Variants in UBXN2A observed in about 807,000 individuals in gnomAD.
The protein encoded by UBXN2A is UBX domain-containing protein 2A.
In UBXN2A, 28 loss-of-function variants were observed where a neutral mutation model predicts 28.4. The ratio of observed to expected loss-of-function variants is 0.99; its 90% confidence interval spans 0.73 to 1.35. The LOEUF is 1.35. Among genes scored for constraint, UBXN2A ranks in the 40% most tolerant of loss-of-function variants. The pLI, the probability that UBXN2A is intolerant of heterozygous loss-of-function variation, is 0.00. For synonymous variants in UBXN2A, 97 were observed against 103.6 expected, an observed-to-expected ratio of 0.94 and a Z score of 0.39; for missense variants, 253 against 297.9, an observed-to-expected ratio of 0.85 and a Z score of 1.11.
At chr2:23,991,768 G>A (rs943610651) in intron 6 of UBXN2A, among the ~76,000 whole-genome samples, 9 of 150,156 alleles carry the variant, frequency 6.0e-5, no homozygotes, top group East Asian at 2.0e-4. Flanking sequence ...CACAGTGCCC[G>A]GCCTTTTTTG....
chr2:23,987,777 CA>C (rs56133612), intron 6 of UBXN2A, among the ~76,000 whole-genome samples: 14,613 of 130,852 alleles, frequency 0.11, 769 homozygotes, highest in Middle Eastern at 0.19. Flanking sequence ...GACTCCATCT[CA>C]AAAAAAAAAA....
At chr2:23,941,713 A>T (rs1219096779) in intron 1 of UBXN2A, among the ~76,000 whole-genome samples, 1 of 152,230 alleles carries the variant, frequency 6.6e-6, no homozygotes, top group Non-Finnish European at 1.5e-5. Flanking sequence ...TGCTAAGGAT[A>T]CAATAGTGAC....
chr2:23,996,065 A>ATTTTTT (rs1019784685), intron 6 of UBXN2A, among the ~76,000 whole-genome samples: 2 of 114,264 alleles, frequency 1.8e-5, no homozygotes, highest in African/African-American at 6.7e-5. Flanking sequence ...CGCCTGGCTA[A>ATTTTTT]TTTTTTTTTT....
rs927179914 is a variant in UBXN2A, at chr2:24,002,919, T to G, written c.*3052T>G. On this transcript the variant is annotated 3_prime_UTR_variant, in exon 7 of 7. Transcript: ENST00000309033. Reference sequence around the variant, plus strand: ...AGCAAATAATGCCTTAGTATGATTATGAAAAACGTTTTGACTTCACAGTGC... The same window carrying G: ...AGCAAATAATGCCTTAGTATGATTAGGAAAAACGTTTTGACTTCACAGTGC... 2 of 152,220 alleles carry G rather than the reference T, an allele frequency of 1.3e-5. No homozygotes were observed. The highest frequency in any genetic ancestry group is 4.8e-5 in the African/African-American group (2 of 41,466). 9.4% of individuals were successfully genotyped at this position (152,220 alleles called of 1,614,324 possible).
At chr2:23,977,911 A>G (rs2150883374) in intron 4 of UBXN2A, among the ~76,000 whole-genome samples, 1 of 152,222 alleles carries the variant, frequency 6.6e-6, no homozygotes, top group South Asian at 2.1e-4. Context: ...AGCTCACTGC[A>G]GCCTCCGCCT....
chr2:23,982,614 CCT>C (rs1707958669), intron 4 of UBXN2A, among the ~76,000 whole-genome samples: 1 of 151,894 alleles, frequency 6.6e-6, no homozygotes, highest in Non-Finnish European at 1.5e-5. Flanking sequence ...TGGACAAGAC[CCT>C]GTCTCTACAG....
chr2:23,937,390 T>A (rs548769684), upstream of UBXN2A, among the ~76,000 whole-genome samples: 66 of 151,642 alleles, frequency 4.4e-4, no homozygotes, highest in South Asian at 1.0e-3. Flanking sequence ...ACAAAAAAAA[T>A]TTTTTTTTAA....
chr2:23,971,133 C>T (rs2150867299), intron 2 of UBXN2A, 143 bp from the exon 3 acceptor site: 1 of 902,934 alleles, frequency 1.1e-6, no homozygotes, highest in Non-Finnish European at 1.5e-6. Context: ...AATGACTTCC[C>T]CAAGGTTATA....
chr2:23,938,544 C>T (rs79110567), upstream of UBXN2A, among the ~76,000 whole-genome samples: 1 of 117,166 alleles, frequency 8.5e-6, no homozygotes, highest in African/African-American at 3.1e-5. Context: ...ATCCCAGTGG[C>T]CCCCCCCTCC....
intron 1 of UBXN2A, chr2:23,944,445 C>T: frequency 2.3e-6 from 2 of 851,228 alleles, no homozygotes; most frequent in Non-Finnish European, 3.9e-6. Context: ...GAAAAGTTCT[C>T]CTTATTTGTT....
chr2:23,992,481 A>G (rs1387837925), intron 6 of UBXN2A, among the ~76,000 whole-genome samples: 1 of 152,198 alleles, frequency 6.6e-6, no homozygotes, highest in Non-Finnish European at 1.5e-5. Flanking sequence ...CTTCAAGGAT[A>G]AGGTTGTTCC....
chr2:23,978,857 G>A (rs1707783019), intron 4 of UBXN2A, among the ~76,000 whole-genome samples: 2 of 151,752 alleles, frequency 1.3e-5, no homozygotes, highest in Admixed American at 1.3e-4. Flanking sequence ...CAGCTACTTG[G>A]GAGGCTGAGG....
chr2:23,947,916 G>A (rs563204579), intron 1 of UBXN2A, among the ~76,000 whole-genome samples: 350 of 152,052 alleles, frequency 2.3e-3, no homozygotes, highest in African/African-American at 8.1e-3. Flanking sequence ...GTGCAATGGC[G>A]GGGGCTCAGC....
At chr2:23,997,707 A>G (rs1050679944) in intron 6 of UBXN2A, among the ~76,000 whole-genome samples, 8 of 151,988 alleles carry the variant, frequency 5.3e-5, no homozygotes, top group East Asian at 1.9e-4. Flanking sequence ...CGGCCTCCCA[A>G]AGTGCTGGGA....
At chr2:23,935,626 A>G (rs896409084), upstream of UBXN2A, among the ~76,000 whole-genome samples, 8 of 152,256 alleles carry the variant, frequency 5.3e-5, no homozygotes, top group Non-Finnish European at 1.0e-4. Context: ...GGGAAGATGT[A>G]GAGAAATTAG....
intron 5 of UBXN2A, among the ~76,000 whole-genome samples, chr2:23,983,477 A>G (rs1485704510): frequency 2.0e-5 from 3 of 152,120 alleles, no homozygotes; most frequent in African/African-American, 2.4e-5. Context: ...ATTGCTCTCC[A>G]GTCTGGGCAA....
intron 6 of UBXN2A, among the ~76,000 whole-genome samples, chr2:23,988,502 A>G (rs576481728): frequency 6.6e-6 from 1 of 152,272 alleles, no homozygotes; most frequent in African/African-American, 2.4e-5. Context: ...CCTCATGATT[A>G]TATTTAGGTC....
At chr2:23,961,980 G>C (rs1706946285) in intron 2 of UBXN2A, among the ~76,000 whole-genome samples, 1 of 151,892 alleles carries the variant, frequency 6.6e-6, no homozygotes, top group Non-Finnish European at 1.5e-5. Context: ...GAGTAGTTGG[G>C]AGTACAGGTG....
chr2:23,993,795 C>T (rs759616403), intron 6 of UBXN2A, among the ~76,000 whole-genome samples: 2 of 151,518 alleles, frequency 1.3e-5, no homozygotes, highest in Non-Finnish European at 2.9e-5. Context: ...TCAAGCAATT[C>T]TCCTGTCTCA....
Sources: allele counts gnomAD v4.1 joint callset (sites outside exome capture counted in the v4.1 genomes callset), GRCh38; gene constraint gnomAD v4.1.1; transcripts MANE v1.5; gene names NCBI Gene and HGNC (gene_info 2026-07-23, HGNC 2026-07-21).